CUBN: variants seen among roughly 807,000 people sequenced by gnomAD.
The protein encoded by CUBN is 460 kDa receptor.
A neutral mutation model predicts 405.3 loss-of-function variants in CUBN; 282 were observed. That is an observed-to-expected ratio of 0.70 (90% CI 0.63 to 0.77). The LOEUF (loss-of-function observed/expected upper bound fraction) is 0.77, where lower values mean the gene tolerates loss of function less well. Ranked by LOEUF, CUBN falls within the 30% of genes least tolerant of loss-of-function variation. The pLI is 0.00. For missense variants in CUBN, 4,514 were observed against 4,475.2 expected, an observed-to-expected ratio of 1.01 and a Z score of -0.25; for synonymous variants, 1,684 against 1,617.0, an observed-to-expected ratio of 1.04 and a Z score of -0.99.
chr10:16,850,966 T>C (rs1228485602), intron 60 of CUBN, among the ~76,000 whole-genome samples: 1 of 152,252 alleles, frequency 6.6e-6, no homozygotes, highest in Non-Finnish European at 1.5e-5. Flanking sequence ...GATCGTCTTT[T>C]GCAAGACATT....
At chr10:17,129,520 CCT>C in intron 1 of CUBN, 122 bp downstream of exon 1, 3 of 1,267,974 alleles carry the variant, frequency 2.4e-6, no homozygotes, top group Non-Finnish European at 2.3e-6. Context: ...AATGTTTTTC[CCT>C]GTTTGCTTCT....
chr10:16,859,522 G>C (rs1477716026), intron 59 of CUBN, among the ~76,000 whole-genome samples: 1 of 152,108 alleles, frequency 6.6e-6, no homozygotes, highest in East Asian at 1.9e-4. Flanking sequence ...GTTATAGAAA[G>C]CAATGGCTTC....
chr10:17,041,324 TAC>T (rs1007367560), intron 26 of CUBN, 104 bp from the exon 27 acceptor site: 15 of 860,928 alleles, frequency 1.7e-5, no homozygotes, highest in Middle Eastern at 2.7e-4. Flanking sequence ...TCTGTGTATG[TAC>T]ACACACACAT....
Position 16,884,524 on chromosome 10 carries a change from C to T in CUBN, c.8905+3893G>A, listed in dbSNP as rs76762891. Among the ~76,000 whole-genome samples, 697 of 151,838 alleles carry T rather than the reference C, an allele frequency of 4.6e-3. 19 individuals carry two copies. The highest frequency in any genetic ancestry group is 9.1e-3 in the East Asian group (47 of 5,170). On this transcript the variant is annotated intron_variant, in intron 56 of 66. Coordinates refer to ENST00000377833, the MANE Select transcript of CUBN (RefSeq NM_001081.4). ...ATAATACCAGATTCCAAAATGAGGA[C>T]AAACATCAATGGTCTGTAGTTCATG... is the stretch of plus-strand genomic sequence containing the variant.
rs1475786311 is a variant in CUBN at position 16,874,515 on chromosome 10, G to A, written c.9107-12C>T. 6.2e-7 allele frequency: 1 copy of A among 1,614,044 alleles called. No individual in the cohort carries two copies. Among genetic ancestry groups the A allele is most frequent in the African/African-American group, 1.3e-5 (1 of 75,036 alleles). On this transcript the variant is annotated splice_polypyrimidine_tract_variant and intron_variant, in intron 57 of 66. Coordinates refer to ENST00000377833, the MANE Select transcript of CUBN (RefSeq NM_001081.4). ...CACACCACCACAGGCTGCAACAGAA[G>A]ACAAGGGAATATGAAGAGAACAACG...
chr10:16,979,932 C>T (rs753533726), intron 31 of CUBN, among the ~76,000 whole-genome samples: 38 of 152,110 alleles, frequency 2.5e-4, no homozygotes, highest in Non-Finnish European at 5.0e-4. Context: ...AAAATTTTTG[C>T]AATCTATCCA....
In CUBN at chr10:16,906,209, G is replaced by A. The variant is rs137998687; in HGVS notation, c.7906C>T (p.Arg2636Ter). 282 of 1,611,432 alleles carry A rather than the reference G, an allele frequency of 1.7e-4. No individual in the cohort carries two copies. The highest frequency in any genetic ancestry group is 2.2e-4 in the Non-Finnish European group (259 of 1,177,540). The change falls in exon 50 of 67, where the codon CGA (arginine) becomes TGA (stop). Residue 2636 changes from arginine (R) to a stop codon, truncating the protein, a stop_gained. Transcript: ENST00000377833. LOFTEE classifies it high-confidence loss of function. Reference protein sequence around the residue: ...QDCQFDVLEFRVGDADGPLMW... With the variant: ...QDCQFDVLEF ...ATTCTTAGATAGAACTCACCCACTC[G>A]AAACTCGAGGACATCAAATTGACAG...
chr10:17,113,939 T>C, intron 8 of CUBN, 88 bp downstream of exon 8: 4 of 1,309,306 alleles, frequency 3.1e-6, no homozygotes, highest in Non-Finnish European at 4.3e-6. Flanking sequence ...AAGAATTGTC[T>C]TCTTACTCAT....
chr10:16,896,909 T>C (rs1054279658), intron 54 of CUBN, among the ~76,000 whole-genome samples: 1 of 152,202 alleles, frequency 6.6e-6, no homozygotes, highest in Non-Finnish European at 1.5e-5. Context: ...TATCTTCAAG[T>C]TCACTGATTC....
At chr10:16,881,241 T>C (rs1172358290) in intron 56 of CUBN, among the ~76,000 whole-genome samples, 1 of 152,186 alleles carries the variant, frequency 6.6e-6, no homozygotes, top group South Asian at 2.1e-4. Flanking sequence ...ATGTGTTAGG[T>C]ATTAAAGAGT....
At chr10:16,869,912 C>G (rs1840301654) in intron 58 of CUBN, 59 bp from the exon 59 acceptor site, 1 of 1,268,998 alleles carries the variant, frequency 7.9e-7, no homozygotes. Context: ...TAAATTGTAG[C>G]TTTAGCTCTT....
chr10:16,910,187 C>CCCTTCTCCCTCTTCT (rs1841685928), intron 48 of CUBN, among the ~76,000 whole-genome samples: 1 of 148,798 alleles, frequency 6.7e-6, no homozygotes, highest in African/African-American at 2.5e-5. Flanking sequence ...TTTCTCCTTC[C>CCCTTCTCCCTCTTCT]CCTTCTCCCT....
At chr10:16,891,838 G>T (rs1445736735) in intron 54 of CUBN, among the ~76,000 whole-genome samples, 1 of 152,068 alleles carries the variant, frequency 6.6e-6, no homozygotes, top group South Asian at 2.1e-4. Context: ...TGTCACACTC[G>T]GTGTGATGGG....
At chr10:16,832,203 C>T (rs543304756) in intron 64 of CUBN, among the ~76,000 whole-genome samples, 13 of 152,274 alleles carry the variant, frequency 8.5e-5, no homozygotes, top group Admixed American at 3.3e-4. Context: ...GGGCTCTCGA[C>T]GCTTCTTACG....
At position 17,032,456 on chromosome 10, in the gene CUBN, T is replaced by C. The variant is rs374732786; in HGVS notation, c.4017+8577A>G. Among the ~76,000 whole-genome samples the C allele has an allele frequency of 9.2e-5, 14 of 152,268 alleles. No homozygotes were observed. The East Asian group carries it at 1.2e-3, about 13-fold the overall frequency. On this transcript the variant is annotated intron_variant, in intron 27 of 66. Transcript: ENST00000377833. The stretch of plus-strand genomic sequence containing the variant: ...GTAGTTTCATCACTTCATGTAGTGA[T>C]GACACTTCCTGCACTGAGTATGGTT...
chr10:16,918,466 G>A (rs1450330365), intron 45 of CUBN, among the ~76,000 whole-genome samples, 156 bp downstream of exon 45: 1 of 152,012 alleles, frequency 6.6e-6, no homozygotes, highest in Non-Finnish European at 1.5e-5. Flanking sequence ...GGTGGGAGAA[G>A]GGAGAAGAGC....
intron 17 of CUBN, among the ~76,000 whole-genome samples, chr10:17,083,705 A>G (rs1182507193): frequency 1.3e-5 from 2 of 152,098 alleles, no homozygotes; most frequent in African/African-American, 4.8e-5. Flanking sequence ...AACAAACAAA[A>G]TTGTAAATTC....
intron 60 of CUBN, among the ~76,000 whole-genome samples, chr10:16,849,456 C>A (rs1232979059): frequency 1.3e-5 from 2 of 152,150 alleles, no homozygotes; most frequent in Admixed American, 6.5e-5. Context: ...GAGCTGTCTT[C>A]TCACCGGAGC....
intron 36 of CUBN, among the ~76,000 whole-genome samples, chr10:16,944,703 C>G (rs1008592648): frequency 6.6e-6 from 1 of 152,036 alleles, no homozygotes; most frequent in Non-Finnish European, 1.5e-5. Flanking sequence ...TTCTTACAGG[C>G]GAGAAAGGAA....
Sources: gnomAD v4.1 joint callset for allele counts (sites outside exome capture counted in the v4.1 genomes callset) on GRCh38, gnomAD v4.1.1 for gene constraint, MANE v1.5 for transcripts, NCBI Gene and HGNC (gene_info 2026-07-23, HGNC 2026-07-21) for gene names.